MYO16: variants seen among roughly 807,000 people sequenced by gnomAD.
The protein encoded by MYO16 is unconventional myosin-XVI.
MYO16 carries 94 observed loss-of-function variants against 205.3 expected under a neutral mutation model. The ratio of observed to expected loss-of-function variants is 0.46; its 90% CI spans 0.39 to 0.54. MYO16 has a LOEUF of 0.54. Among genes scored for constraint, MYO16 ranks in the 20% least tolerant of loss-of-function variants. The pLI, the probability that MYO16 is intolerant of heterozygous loss-of-function variation, is 0.00. For missense variants in MYO16, 2,315 were observed against 2,387.5 expected (o/e 0.97, Z 0.63); for synonymous variants, 988 against 954.0 (o/e 1.04, Z -0.66).
At chr13:108,920,334 C>G (rs916931624) in intron 16 of MYO16, among the ~76,000 whole-genome samples, 1 of 151,632 alleles carries the variant, frequency 6.6e-6, no homozygotes, top group Non-Finnish European at 1.5e-5. Context: ...TTCTTTCCCT[C>G]CCTTCTTTTT....
chr13:109,009,135 A>C, intron 22 of MYO16, 86 bp downstream of exon 22: 1 of 1,065,874 alleles, frequency 9.4e-7, no homozygotes. Flanking sequence ...AGGACGCCTT[A>C]TTTTTGAGAT....
chr13:109,202,317 A>C (rs1375767340), intron 34 of MYO16, among the ~76,000 whole-genome samples: 1 of 152,156 alleles, frequency 6.6e-6, no homozygotes, highest in Non-Finnish European at 1.5e-5. Context: ...TTACATTCCC[A>C]CCAGCAGTGT....
rs1049694773 is a variant in MYO16, at chr13:109,035,160, G to A, written c.2797-11756G>A. On this transcript the variant is annotated intron_variant, in intron 23 of 34. Coordinates refer to ENST00000457511, the MANE Select transcript of MYO16 (RefSeq NM_001198950.3). The stretch of plus-strand genomic sequence containing the variant: ...ATATATAGCGTACCACAATAACCAG[G>A]GATTTTTGAAAAATCCTGCACTTTA... Among the ~76,000 whole-genome samples the A allele has an allele frequency of 2.4e-5, 3 of 126,920 alleles. No individual in the cohort carries two copies. The East Asian group carries it at 2.0e-3, about 83-fold the overall frequency. The allele number at this position is 126,920 out of a possible 152,430, so 83.3% of individuals were successfully genotyped here. A position where few individuals can be genotyped will look rare whatever the true frequency, so the allele number is the denominator to read the frequency against.
In MYO16 at chr13:109,022,687, C is replaced by CTT. The variant is rs1555325073; in HGVS notation, c.2796+2776_2796+2777insTT. On this transcript the variant is annotated intron_variant, in intron 23 of 34. Coordinates refer to ENST00000457511, the MANE Select transcript of MYO16 (RefSeq NM_001198950.3). ...TATATATTATATATACACATATAAACATGTATATATTTATATATTATATAT... is the reference window on the plus strand; with the variant it reads ...TATATATTATATATACACATATAAACTTATGTATATATTTATATATTATATAT... Among the ~76,000 whole-genome samples, 2 of 110,384 alleles carry CTT rather than the reference C, an allele frequency of 1.8e-5. 1 individual carries two copies. The highest frequency in any genetic ancestry group is 7.1e-5 in the African/African-American group (2 of 28,356). 72.4% of individuals were successfully genotyped at this position (110,384 alleles called of 152,430 possible).
intron 1 of MYO16, among the ~76,000 whole-genome samples, chr13:108,609,675 A>T (rs922448208): frequency 2.0e-5 from 3 of 152,228 alleles, no homozygotes; most frequent in African/African-American, 7.2e-5. Context: ...AAAAAATTTT[A>T]AAAATAAAAT....
intron 9 of MYO16, among the ~76,000 whole-genome samples, chr13:108,843,419 A>G (rs1877347802): frequency 6.6e-6 from 1 of 152,160 alleles, no homozygotes; most frequent in Admixed American, 6.5e-5. Flanking sequence ...CTATGCAACT[A>G]TGTATATCAG....
intron 32 of MYO16, among the ~76,000 whole-genome samples, chr13:109,148,184 T>A (rs889118484): frequency 6.6e-6 from 1 of 152,186 alleles, no homozygotes; most frequent in African/African-American, 2.4e-5. Flanking sequence ...AATAAATGTA[T>A]CAGTAACCAA....
the MYO16 span, among the ~76,000 whole-genome samples, chr13:108,520,373 T>A: frequency 6.6e-6 from 1 of 152,160 alleles, no homozygotes; most frequent in Admixed American, 6.5e-5. Flanking sequence ...CCCCATATCA[T>A]TTTATTTGAA....
At chr13:108,936,480 A>T (rs1304781396) in intron 16 of MYO16, among the ~76,000 whole-genome samples, 1 of 151,846 alleles carries the variant, frequency 6.6e-6, no homozygotes, top group African/African-American at 2.4e-5. Context: ...GAATTTTTCT[A>T]TTTCCTTTAG....
intron 2 of MYO16, among the ~76,000 whole-genome samples, chr13:108,686,543 G>A (rs944368109): frequency 6.6e-6 from 1 of 152,140 alleles, no homozygotes; most frequent in South Asian, 2.1e-4. Context: ...CCCAGCCAGG[G>A]GATATGGAGG....
chr13:109,137,268 C>A (rs939718058), intron 31 of MYO16, among the ~76,000 whole-genome samples: 2 of 152,168 alleles, frequency 1.3e-5, no homozygotes, highest in African/African-American at 4.8e-5. Flanking sequence ...TTGTCATTGT[C>A]CCAGCCCTAG....
intron 13 of MYO16, among the ~76,000 whole-genome samples, chr13:108,888,085 A>C (rs757532707): frequency 2.6e-5 from 4 of 152,166 alleles, no homozygotes; most frequent in Non-Finnish European, 4.4e-5. Flanking sequence ...TGAATGGCAG[A>C]ACTTGTGTCA....
intron 2 of MYO16, among the ~76,000 whole-genome samples, chr13:108,667,227 G>T (rs532642865): frequency 6.6e-6 from 1 of 151,164 alleles, no homozygotes; most frequent in East Asian, 2.0e-4. Context: ...TACAATAATA[G>T]TTATACATGG....
At chr13:108,815,555 CA>C (rs1875537151) in intron 7 of MYO16, among the ~76,000 whole-genome samples, 1 of 152,204 alleles carries the variant, frequency 6.6e-6, no homozygotes, top group Non-Finnish European at 1.5e-5. Flanking sequence ...AAGCCAGAAA[CA>C]AATTCTCCCT....
At chr13:109,130,970 C>G (rs926088282) in intron 31 of MYO16, among the ~76,000 whole-genome samples, 1 of 152,174 alleles carries the variant, frequency 6.6e-6, no homozygotes, top group African/African-American at 2.4e-5. Context: ...CGAAGCTTCT[C>G]TTAGACAACC....
intron 10 of MYO16, among the ~76,000 whole-genome samples, chr13:108,853,954 T>TTTTGTGTGTG (rs1555305767): frequency 2.9e-5 from 4 of 138,500 alleles, no homozygotes; most frequent in Non-Finnish European, 4.6e-5. Context: ...GTTTCTATTA[T>TTTTGTGTGTG]TGTGTGTGTG....
At chr13:108,496,428 G>T in the MYO16 span, among the ~76,000 whole-genome samples, 2 of 152,176 alleles carry the variant, frequency 1.3e-5, no homozygotes, top group African/African-American at 2.4e-5. Flanking sequence ...AGTGAAGGAG[G>T]GCTCCCCAGC....
At chr13:108,929,175 G>A (rs1882142039) in intron 16 of MYO16, among the ~76,000 whole-genome samples, 1 of 152,146 alleles carries the variant, frequency 6.6e-6, no homozygotes, top group African/African-American at 2.4e-5. Flanking sequence ...CCATCCTGAA[G>A]GAGCCAAACT....
At chr13:109,165,687 G>C (rs146810453) in intron 33 of MYO16, among the ~76,000 whole-genome samples, 1 of 152,356 alleles carries the variant, frequency 6.6e-6, no homozygotes, top group Non-Finnish European at 1.5e-5. Context: ...CTGGGAAGCA[G>C]TTGAAGACCT....
Sources: allele counts gnomAD v4.1 joint callset (sites outside exome capture counted in the v4.1 genomes callset), GRCh38; gene constraint gnomAD v4.1.1; transcripts MANE v1.5; gene names NCBI Gene and HGNC (gene_info 2026-07-23, HGNC 2026-07-21).